The following RSF1 variants were observed in gnomAD, a reference collection of about 807,000 sequenced individuals.
RSF1 encodes HBV pX-associated protein 8.
In RSF1, 13 loss-of-function variants were observed where a neutral mutation model predicts 145.2. The ratio of observed to expected loss-of-function variants is 0.09; its 90% CI spans 0.06 to 0.14. The LOEUF (loss-of-function observed/expected upper bound fraction) is 0.14, where lower values mean the gene tolerates loss of function less well. RSF1 is among the 10% of genes least tolerant of loss of function. The pLI is 1.00. For missense variants in RSF1, 1,517 were observed against 1,718.2 expected (o/e 0.88, Z 2.07); for synonymous variants, 577 against 592.6 (o/e 0.97, Z 0.38).
At chr11:77,739,603 TAATA>T (rs755057265) in intron 4 of RSF1, 11 of 152,220 alleles carry the variant, frequency 7.2e-5, no homozygotes, top group South Asian at 4.1e-4. Flanking sequence ...TTCAAAGCAT[TAATA>T]AATAATCACT....
intron 1 of RSF1, among the ~76,000 whole-genome samples, chr11:77,779,842 C>A (rs1316190897): frequency 6.6e-6 from 1 of 152,192 alleles, no homozygotes; most frequent in Non-Finnish European, 1.5e-5. Context: ...TTTTTGTTTA[C>A]TGGCTCAACA....
the RSF1 span, among the ~76,000 whole-genome samples, chr11:77,844,350 A>ACAGT: frequency 6.6e-6 from 1 of 151,972 alleles, no homozygotes; most frequent in African/African-American, 2.4e-5. Flanking sequence ...ATTTTTTTTT[A>ACAGT]CAGTTTTTTC....
chr11:77,667,029 G>A lies in RSF1; in HGVS notation c.4214C>T (p.Ala1405Val). Residue 1405 changes from alanine (A) to valine (V), a missense_variant, in exon 16 of 16, where the codon GCC (alanine) becomes GTC (valine). This residue lies in a region of RSF1 where 240 missense variants were observed against 231.8 expected (regional missense o/e 1.04). Coordinates refer to ENST00000308488, the MANE Select transcript of RSF1 (RefSeq NM_016578.4). ...CTGCCCACCACTTGTCCCATTGGAG[G>A]CTAGGCTTGCACTGGCTGTGCTGTT... Reference protein sequence around the residue: ...KDNSTASASLASNGTSGGQEA... With the variant: ...KDNSTASASLVSNGTSGGQEA... The A allele has an allele frequency of 6.2e-7, 1 of 1,613,610 alleles. No individual in the cohort carries two copies. Among genetic ancestry groups the A allele is most frequent in the Non-Finnish European group, 8.5e-7 (1 of 1,179,574 alleles).
chr11:77,701,601 G>A lies in RSF1; in HGVS notation c.1628C>T (p.Ser543Phe), dbSNP rs72947646. 30,776 of 1,614,112 alleles carry A rather than the reference G, an allele frequency of 0.019. 345 individuals are homozygous for A. The highest frequency in any genetic ancestry group is 0.023 in the Non-Finnish European group (27,125 of 1,179,986). Residue 543 changes from serine to phenylalanine, a missense_variant, in exon 6 of 16, where the codon TCT (serine) becomes TTT (phenylalanine). Coordinates refer to ENST00000308488, the MANE Select transcript of RSF1 (RefSeq NM_016578.4). ...AGAGAGATCTTTTGCCATCTCAGAA[G>A]AATCAAGAGAAGTTTCCATTTCTGG... is the stretch of plus-strand genomic sequence containing the variant. ...DPPEMETSLD[S>F]SEMAKDLSSK... is the part of the protein sequence containing the mutation.
intron 5 of RSF1, among the ~76,000 whole-genome samples, chr11:77,716,718 TG>T (rs540113902): frequency 1.3e-3 from 204 of 152,324 alleles, no homozygotes; most frequent in Admixed American, 2.9e-3. Flanking sequence ...AACAACGTAC[TG>T]TATACCTGAA....
At chr11:77,794,159 T>C (rs1331759300) in intron 1 of RSF1, among the ~76,000 whole-genome samples, 3 of 152,044 alleles carry the variant, frequency 2.0e-5, no homozygotes, top group Non-Finnish European at 2.9e-5. Context: ...CAAACATGGA[T>C]TTAAAAGGGA....
intron 1 of RSF1, among the ~76,000 whole-genome samples, chr11:77,809,331 A>T (rs1410591064): frequency 1.3e-5 from 2 of 152,202 alleles, no homozygotes; most frequent in African/African-American, 4.8e-5. Flanking sequence ...AACCTATAAA[A>T]TTATGGTAAA....
chr11:77,690,571 A>G (rs1373345707), intron 9 of RSF1, among the ~76,000 whole-genome samples: 1 of 152,184 alleles, frequency 6.6e-6, no homozygotes, highest in Non-Finnish European at 1.5e-5. Context: ...AGTTGGGACT[A>G]CAGGTGTGCG....
At chr11:77,695,946 T>C (rs900137429) in intron 7 of RSF1, among the ~76,000 whole-genome samples, 6 of 152,196 alleles carry the variant, frequency 3.9e-5, no homozygotes, top group African/African-American at 1.4e-4. Context: ...TGCTCAACCC[T>C]AGTATAGATG....
In RSF1 at chr11:77,692,233, A is replaced by AT. The variant is rs71046904; in HGVS notation, c.2821-996dup. Among the ~76,000 whole-genome samples, 486 of 49,428 alleles carry AT rather than the reference A, an allele frequency of 9.8e-3. 90 individuals are homozygous for AT. The highest frequency in any genetic ancestry group is 0.026 in the South Asian group (41 of 1,602). The allele number at this position is 49,428 out of a possible 152,430, so 32.4% of individuals were successfully genotyped here. Reference sequence around the variant, plus strand: ...AAAAAATAATTATTACTACTTTTAAATTTTTTTTTTTTTTTTTTTTTTTTT... The same window carrying AT: ...AAAAAATAATTATTACTACTTTTAAATTTTTTTTTTTTTTTTTTTTTTTTTT... On this transcript the variant is annotated intron_variant, in intron 8 of 15. Coordinates refer to ENST00000308488, the MANE Select transcript of RSF1 (RefSeq NM_016578.4).
rs749521750 is a variant in RSF1 at position 77,678,095 on chromosome 11, C to T, written c.3124G>A (p.Asp1042Asn). The T allele has an allele frequency of 8.7e-6, 14 of 1,611,294 alleles. No individual in the cohort carries two copies. Among genetic ancestry groups the T allele is most frequent in the African/African-American group, 6.7e-5 (5 of 74,644 alleles). The change falls in exon 12 of 16, where the codon GAT (aspartate) becomes AAT (asparagine). Residue 1042 changes from aspartate to asparagine, a missense_variant. By Grantham distance (23) the Asp-to-Asn change is conservative. This residue lies in a region of RSF1 where 231 missense variants were observed against 276.6 expected (regional missense o/e 0.84). Coordinates refer to ENST00000308488, the MANE Select transcript of RSF1 (RefSeq NM_016578.4). ...AACGACAAACACATACCTCCTCCATCGGCTTCTTTGATGTCATCTTCAATA... is the reference window on the plus strand; with the variant it reads ...AACGACAAACACATACCTCCTCCATTGGCTTCTTTGATGTCATCTTCAATA... The part of the protein sequence containing the change: ...EAIEDDIKEA[D>N]GGGVGRGKDI...
intron 5 of RSF1, among the ~76,000 whole-genome samples, chr11:77,707,666 A>G (rs1181325297): frequency 6.6e-6 from 1 of 152,204 alleles, no homozygotes; most frequent in Non-Finnish European, 1.5e-5. Context: ...ACAATGTTCA[A>G]AGCTTCTAGA....
chr11:77,800,852 T>C (rs1336711765), intron 1 of RSF1, among the ~76,000 whole-genome samples: 1 of 151,478 alleles, frequency 6.6e-6, no homozygotes, highest in Non-Finnish European at 1.5e-5. Context: ...ACAGTGAGAC[T>C]CTGTCTCTTC....
At chr11:77,692,182 C>T (rs938877273) in intron 8 of RSF1, among the ~76,000 whole-genome samples, 9 of 148,896 alleles carry the variant, frequency 6.0e-5, no homozygotes, top group Admixed American at 1.3e-4. Context: ...TAAGCCACCA[C>T]GCTTGGCCAA....
In RSF1 at chr11:77,700,877, G is replaced by A. The variant is rs1432615461; in HGVS notation, c.2352C>T (p.Pro784=). 5 of 1,613,508 alleles carry A rather than the reference G, an allele frequency of 3.1e-6. No homozygotes were observed. The highest frequency in any genetic ancestry group is 1.1e-5 in the South Asian group (1 of 91,058). ...TLRRSPRISR[P]TAKVAEIRDQ... ...CTCTGATCTCAGCCACTTTTGCAGT[G>A]GGTCTAGATATTCTTGGAGATCTTC... Residue 784 remains proline (P), a synonymous_variant, in exon 6 of 16, where the codon CCC becomes CCT. Coordinates refer to ENST00000308488, the MANE Select transcript of RSF1 (RefSeq NM_016578.4).
intron 10 of RSF1, among the ~76,000 whole-genome samples, chr11:77,684,575 G>A (rs970018476): frequency 6.6e-6 from 1 of 152,192 alleles, no homozygotes; most frequent in South Asian, 2.1e-4. Context: ...TGTAAGTTTA[G>A]TTTAGATGTG....
At chr11:77,689,178 T>C (rs1201521933) in intron 9 of RSF1, among the ~76,000 whole-genome samples, 2 of 152,248 alleles carry the variant, frequency 1.3e-5, no homozygotes, top group African/African-American at 4.8e-5. Context: ...TCCACCTTAT[T>C]ATCACAATGC....
chr11:77,729,832 T>C (rs1043268018), intron 4 of RSF1, among the ~76,000 whole-genome samples: 2 of 138,404 alleles, frequency 1.4e-5, no homozygotes, highest in African/African-American at 5.4e-5. Context: ...TTTAAATATA[T>C]GATTCCAGAG....
At chr11:77,867,339 C>T in the RSF1 span, among the ~76,000 whole-genome samples, 99 of 152,248 alleles carry the variant, frequency 6.5e-4, 2 homozygotes, top group East Asian at 0.012. Context: ...TTTCATACTT[C>T]GAGACCCAGT....
Sources: gnomAD v4.1 joint callset for allele counts (sites outside exome capture counted in the v4.1 genomes callset) on GRCh38, gnomAD v4.1.1 for gene constraint, gnomAD v4.1.1 regional missense constraint, MANE v1.5 for transcripts, NCBI Gene and HGNC (gene_info 2026-07-23, HGNC 2026-07-21) for gene names.